Variants in ABCD3 observed in about 807,000 individuals in gnomAD.
ABCD3 encodes ATP binding cassette subfamily D member 3.
ABCD3 carries 41 observed loss-of-function variants against 105.5 expected under a neutral mutation model. The observed-to-expected ratio is 0.39, with a 90% CI of 0.30 to 0.50. The LOEUF (loss-of-function observed/expected upper bound fraction) is 0.50, where lower values mean the gene tolerates loss of function less well. ABCD3 is among the 20% of genes least tolerant of loss of function. The pLI, the probability that ABCD3 is intolerant of heterozygous loss-of-function variation, is 0.84. For synonymous variants in ABCD3, 258 were observed against 269.0 expected, an observed-to-expected ratio of 0.96 and a Z score of 0.40; for missense variants, 622 against 806.3, an observed-to-expected ratio of 0.77 and a Z score of 2.77.
intron 20 of ABCD3, among the ~76,000 whole-genome samples, chr1:94,505,187 T>A (rs576742654): frequency 1.3e-5 from 2 of 152,270 alleles, no homozygotes; most frequent in African/African-American, 2.4e-5. Flanking sequence ...TTTAATTTTT[T>A]AAATGTTTTA....
At chr1:94,465,933 T>C (rs1373984392) in intron 3 of ABCD3, among the ~76,000 whole-genome samples, 1 of 152,192 alleles carries the variant, frequency 6.6e-6, no homozygotes, top group Non-Finnish European at 1.5e-5. Context: ...CTGCTAATTT[T>C]TCCTATACTT....
chr1:94,439,418 G>C (rs1234207186), intron 1 of ABCD3, among the ~76,000 whole-genome samples: 1 of 152,058 alleles, frequency 6.6e-6, no homozygotes, highest in African/African-American at 2.4e-5. Flanking sequence ...GAGGTGGGCA[G>C]ATCACTTGAG....
chr1:94,401,330 T>C, the ABCD3 span, among the ~76,000 whole-genome samples: 2,406 of 152,358 alleles, frequency 0.016, 78 homozygotes, highest in African/African-American at 0.055. Flanking sequence ...GGGAAACATT[T>C]CCAATACGGA....
chr1:94,490,259 A>T (rs1649470107), intron 15 of ABCD3, among the ~76,000 whole-genome samples: 1 of 151,940 alleles, frequency 6.6e-6, no homozygotes, highest in African/African-American at 2.4e-5. Flanking sequence ...GTGAGAATTT[A>T]ATTTAGATGT....
intron 1 of ABCD3, chr1:94,432,454 AG>A: frequency 6.6e-6 from 1 of 152,250 alleles, no homozygotes; most frequent in Non-Finnish European, 1.5e-5. Flanking sequence ...AAGGAGACGA[AG>A]CTGGAGATAT....
At chr1:94,468,114 A>G in intron 4 of ABCD3, 107 bp downstream of exon 4, 3 of 839,424 alleles carry the variant, frequency 3.6e-6, no homozygotes, top group Non-Finnish European at 4.0e-6. Flanking sequence ...GGTAAAAGAT[A>G]ACCCAAGTCA....
At chr1:94,468,097 T>C in intron 4 of ABCD3, 90 bp downstream of exon 4, 2 of 946,656 alleles carry the variant, frequency 2.1e-6, no homozygotes, top group East Asian at 5.0e-5. Context: ...AAATAGATTC[T>C]AAGTTAGGTA....
intron 10 of ABCD3, among the ~76,000 whole-genome samples, chr1:94,484,230 C>T (rs1050905948): frequency 9.8e-5 from 15 of 152,294 alleles, no homozygotes; most frequent in East Asian, 7.7e-4. Flanking sequence ...GACAGTGTGG[C>T]AATTCCTCAG....
chr1:94,469,299 C>T (rs576266245), intron 4 of ABCD3, among the ~76,000 whole-genome samples: 5 of 152,094 alleles, frequency 3.3e-5, no homozygotes, highest in Admixed American at 1.3e-4. Context: ...ACACTCCCTC[C>T]GTGCTCATCT....
At chr1:94,475,485 G>C in intron 6 of ABCD3, 129 bp from the exon 7 acceptor site, 1 of 963,836 alleles carries the variant, frequency 1.0e-6, no homozygotes, top group Non-Finnish European at 1.6e-6. Flanking sequence ...GCAATCAATA[G>C]GATCTCTTCT....
chr1:94,403,624 G>T, the ABCD3 span, among the ~76,000 whole-genome samples: 1 of 152,082 alleles, frequency 6.6e-6, no homozygotes, highest in Non-Finnish European at 1.5e-5. Context: ...GTTTATTGTA[G>T]ATATGAACTC....
At chr1:94,469,917 G>A (rs375148775) in intron 4 of ABCD3, among the ~76,000 whole-genome samples, 26 of 151,972 alleles carry the variant, frequency 1.7e-4, no homozygotes, top group South Asian at 1.7e-3. Flanking sequence ...CTCCCGCCTC[G>A]GCCTCCCAAA....
At chr1:94,438,293 C>CACACAT (rs1431254204) in intron 1 of ABCD3, among the ~76,000 whole-genome samples, 12 of 120,956 alleles carry the variant, frequency 9.9e-5, no homozygotes, top group African/African-American at 1.4e-4. Flanking sequence ...CACACACACA[C>CACACAT]ACACACATAC....
At chr1:94,456,688 T>C (rs968116999) in intron 1 of ABCD3, among the ~76,000 whole-genome samples, 2 of 152,254 alleles carry the variant, frequency 1.3e-5, no homozygotes, top group African/African-American at 4.8e-5. Flanking sequence ...CTTACTGTTA[T>C]GAATAATGCT....
chr1:94,455,833 A>G (rs1647526485), intron 1 of ABCD3: 2 of 1,279,032 alleles, frequency 1.6e-6, no homozygotes, highest in Non-Finnish European at 2.0e-6. Flanking sequence ...GTGTATATAT[A>G]TATTTTTGTG....
chr1:94,442,898 C>G (rs555356815), intron 1 of ABCD3, among the ~76,000 whole-genome samples: 45 of 152,200 alleles, frequency 3.0e-4, no homozygotes, highest in African/African-American at 1.1e-3. Context: ...CATATCTTTA[C>G]TGTTGTGAAT....
the ABCD3 span, among the ~76,000 whole-genome samples, chr1:94,397,488 G>A: frequency 6.6e-6 from 1 of 152,160 alleles, no homozygotes; most frequent in Non-Finnish European, 1.5e-5. Context: ...CTCGATTTGA[G>A]TCTATGTGAT....
chr1:94,423,232 A>G (rs1212388070), intron 1 of ABCD3, among the ~76,000 whole-genome samples: 1 of 152,254 alleles, frequency 6.6e-6, no homozygotes. Context: ...ACTACTCCAG[A>G]TGATCTAAAT....
At chr1:94,456,142 C>CT (rs1647546665) in intron 1 of ABCD3, among the ~76,000 whole-genome samples, 1 of 149,480 alleles carries the variant, frequency 6.7e-6, no homozygotes, top group Admixed American at 6.7e-5. Context: ...ATGAGTTTGA[C>CT]TTTTTTAGAT....
Sources: gnomAD v4.1 joint callset for allele counts (sites outside exome capture counted in the v4.1 genomes callset) on GRCh38, gnomAD v4.1.1 for gene constraint, MANE v1.5 for transcripts, NCBI Gene and HGNC (gene_info 2026-07-23, HGNC 2026-07-21) for gene names.